RORA: variants seen among roughly 807,000 people sequenced by gnomAD.
RORA encodes the protein nuclear receptor ROR-alpha.
A neutral mutation model predicts 69.5 loss-of-function variants in RORA; 7 were observed. That is an observed-to-expected ratio of 0.10 (90% confidence interval 0.06 to 0.19). RORA has a LOEUF of 0.19. RORA is among the 10% of genes least tolerant of loss of function. RORA has a pLI of 1.00. For synonymous variants in RORA, 261 were observed against 240.8 expected (o/e 1.08, Z -0.78); for missense variants, 457 against 663.0 (o/e 0.69, Z 3.41).
chr15:60,637,078 C>G (rs1346944698), intron 2 of RORA, among the ~76,000 whole-genome samples: 1 of 150,234 alleles, frequency 6.7e-6, no homozygotes, highest in East Asian at 2.0e-4. Flanking sequence ...TAAATTATTT[C>G]CTTAGAATAA....
At chr15:60,599,227 G>A (rs2068761569) in intron 2 of RORA, among the ~76,000 whole-genome samples, 1 of 152,186 alleles carries the variant, frequency 6.6e-6, no homozygotes, top group Admixed American at 6.5e-5. Flanking sequence ...TAAAAATGAA[G>A]AGCCTCTTAG....
intron 1 of RORA, among the ~76,000 whole-genome samples, chr15:60,787,935 G>T (rs139373526): frequency 6.6e-6 from 1 of 152,366 alleles, no homozygotes; most frequent in Non-Finnish European, 1.5e-5. Flanking sequence ...TGGCTGCTGG[G>T]GATACTGCAG....
At chr15:60,738,586 A>G (rs1298260300) in intron 1 of RORA, among the ~76,000 whole-genome samples, 1 of 152,250 alleles carries the variant, frequency 6.6e-6, no homozygotes, top group Non-Finnish European at 1.5e-5. Context: ...AATATAATCC[A>G]GGCTGGATTT....
At chr15:61,067,965 A>G (rs1199307210) in intron 1 of RORA, among the ~76,000 whole-genome samples, 1 of 152,224 alleles carries the variant, frequency 6.6e-6, no homozygotes, top group East Asian at 1.9e-4. Context: ...GAATGGCCAG[A>G]GGGTCAGAGA....
rs183828681 is a variant in RORA, at chr15:61,070,138, G to A, written c.166+158915C>T. Among the ~76,000 whole-genome samples the A allele has an allele frequency of 1.4e-3, 209 of 152,226 alleles. 5 individuals are homozygous for A. The highest frequency in any genetic ancestry group is 9.9e-3 in the Admixed American group (152 of 15,290). On this transcript the variant is annotated intron_variant, in intron 1 of 10. Coordinates refer to ENST00000335670, the MANE Select transcript of RORA (RefSeq NM_134261.3). ...TATACCGTTTGTTCTATTTCACAGA[G>A]GTAGAAGAATACATAAAGTCCTCGA...
intron 1 of RORA, among the ~76,000 whole-genome samples, chr15:61,075,270 A>C (rs893156145): frequency 3.9e-5 from 6 of 152,094 alleles, no homozygotes; most frequent in Admixed American, 2.6e-4. Flanking sequence ...GAGCTTTAGG[A>C]ATCTGGAGGG....
At chr15:60,947,707 A>AAAAAC (rs1566921222) in intron 1 of RORA, among the ~76,000 whole-genome samples, 3 of 144,986 alleles carry the variant, frequency 2.1e-5, no homozygotes, top group African/African-American at 7.4e-5. Flanking sequence ...AAAAAAAAAA[A>AAAAAC]AAAATGAAAC....
chr15:61,075,102 A>C (rs908221558), intron 1 of RORA, among the ~76,000 whole-genome samples: 3 of 151,700 alleles, frequency 2.0e-5, no homozygotes, highest in Admixed American at 6.6e-5. Flanking sequence ...AAAAAAAAAA[A>C]GTTTCCAGAG....
intron 2 of RORA, among the ~76,000 whole-genome samples, chr15:60,562,004 C>T (rs1037665469): frequency 5.9e-5 from 9 of 151,766 alleles, no homozygotes; most frequent in African/African-American, 1.7e-4. Flanking sequence ...AGTACAGTGG[C>T]GCGATCTCGG....
intron 2 of RORA, among the ~76,000 whole-genome samples, chr15:60,634,497 C>T (rs553995008): frequency 1.9e-4 from 29 of 151,992 alleles, no homozygotes; most frequent in East Asian, 5.8e-4. Context: ...CTCCCCCTCC[C>T]GGGTTCAAGC....
intron 1 of RORA, among the ~76,000 whole-genome samples, chr15:60,932,993 A>ACC: frequency 6.6e-6 from 1 of 152,158 alleles, no homozygotes; most frequent in Non-Finnish European, 1.5e-5. Flanking sequence ...CCTCTTCCTT[A>ACC]CCCAGGAGTT....
chr15:60,746,883 AG>A (rs2071656247), intron 1 of RORA, among the ~76,000 whole-genome samples: 1 of 152,216 alleles, frequency 6.6e-6, no homozygotes, highest in African/African-American at 2.4e-5. Flanking sequence ...CCGAGGAACT[AG>A]GGACTTCATT....
At chr15:61,183,003 G>T (rs2079702432) in intron 1 of RORA, 1 of 152,316 alleles carries the variant, frequency 6.6e-6, no homozygotes, top group Non-Finnish European at 1.5e-5. Context: ...GGGAGACTAA[G>T]TAGACAACAC....
At chr15:61,045,396 G>A (rs934548674) in intron 1 of RORA, among the ~76,000 whole-genome samples, 2 of 152,144 alleles carry the variant, frequency 1.3e-5, no homozygotes, top group African/African-American at 4.8e-5. Flanking sequence ...CTCAGTCTCG[G>A]GAATACCTGG....
intron 1 of RORA, among the ~76,000 whole-genome samples, chr15:60,925,013 A>C (rs1326408785): frequency 6.6e-6 from 1 of 152,058 alleles, no homozygotes; most frequent in African/African-American, 2.4e-5. Flanking sequence ...CAGGAGGCAG[A>C]GGTTGCAGTG....
intron 2 of RORA, among the ~76,000 whole-genome samples, chr15:60,579,420 T>C (rs1340481161): frequency 6.6e-6 from 1 of 151,148 alleles, no homozygotes; most frequent in Admixed American, 6.6e-5. Context: ...TAAAGAAGAT[T>C]TAAAAGGTTT....
intron 1 of RORA, among the ~76,000 whole-genome samples, chr15:60,866,625 G>A (rs1302242660): frequency 6.6e-6 from 1 of 152,118 alleles, no homozygotes; most frequent in African/African-American, 2.4e-5. Context: ...AGGAGAGAGG[G>A]GCTGGAGTTT....
chr15:61,035,437 T>C (rs1165101945), intron 1 of RORA, among the ~76,000 whole-genome samples: 1 of 152,174 alleles, frequency 6.6e-6, no homozygotes, highest in Non-Finnish European at 1.5e-5. Context: ...AAAATGTACT[T>C]CATGTGGCAA....
intron 2 of RORA, among the ~76,000 whole-genome samples, chr15:60,574,923 G>T (rs904327413): frequency 1.3e-5 from 2 of 151,992 alleles, no homozygotes; most frequent in Non-Finnish European, 2.9e-5. Context: ...TGTATCTTGT[G>T]TCACCCGGAA....
Sources: gnomAD v4.1 joint callset for allele counts (sites outside exome capture counted in the v4.1 genomes callset) on GRCh38, gnomAD v4.1.1 for gene constraint, MANE v1.5 for transcripts, NCBI Gene and HGNC (gene_info 2026-07-23, HGNC 2026-07-21) for gene names.